JADE1: variants seen among roughly 807,000 people sequenced by gnomAD.
JADE1 encodes protein Jade-1.
A neutral mutation model predicts 81.8 loss-of-function variants in JADE1; 14 were observed. The observed-to-expected ratio is 0.17, with a 90% CI of 0.11 to 0.27. JADE1 has a LOEUF of 0.27. JADE1 is among the 10% of genes least tolerant of loss of function. JADE1 has a pLI of 1.00. For synonymous variants in JADE1, 353 were observed against 391.9 expected (o/e 0.90, Z 1.17); for missense variants, 690 against 1,047.9 (o/e 0.66, Z 4.71).
intron 3 of JADE1, 82 bp downstream of exon 3, chr4:128,843,120 C>T: frequency 8.9e-7 from 1 of 1,121,308 alleles, no homozygotes; most frequent in African/African-American, 1.6e-5. Flanking sequence ...TTTGTGCAGT[C>T]CTGGGCAAAT....
chr4:128,833,566 G>A (rs1005720043), intron 2 of JADE1, among the ~76,000 whole-genome samples: 1 of 152,088 alleles, frequency 6.6e-6, no homozygotes, highest in African/African-American at 2.4e-5. Context: ...ATGATGGTGT[G>A]TGCCTGTAGT....
chr4:128,846,127 G>T lies in JADE1; in HGVS notation c.139-248G>T, dbSNP rs566269020. Among the ~76,000 whole-genome samples, 1 of 152,190 alleles carries T rather than the reference G, an allele frequency of 6.6e-6. No individual in the cohort carries two copies. The highest frequency in any genetic ancestry group is 2.1e-4 in the South Asian group (1 of 4,814). The stretch of plus-strand genomic sequence containing the variant: ...GACAACAAGATTTTTTGTTGTTTTT[G>T]TTGACGTTGTTGTGGACACTATGGA... On this transcript the variant is annotated intron_variant, in intron 3 of 10. Transcript: ENST00000226319. This position sits in a 1 kb window ranked among gnomAD's most constrained non-coding sequence, Gnocchi z 4.0.
intron 6 of JADE1, among the ~76,000 whole-genome samples, chr4:128,855,309 G>A (rs1384445528): frequency 6.6e-6 from 1 of 152,178 alleles, no homozygotes; most frequent in East Asian, 1.9e-4. Flanking sequence ...GGGTTTCTGC[G>A]GCAACACAGC....
chr4:128,831,753 G>A lies in JADE1; in HGVS notation c.-6G>A. 1 of 1,614,150 alleles carries A rather than the reference G, an allele frequency of 6.2e-7. No homozygotes were observed. Among genetic ancestry groups the A allele is most frequent in the East Asian group, 2.2e-5 (1 of 44,884 alleles). On this transcript the variant is annotated 5_prime_UTR_variant, in exon 2 of 11. Transcript: ENST00000226319. Reference sequence around the variant, plus strand: ...TGCAGGCTGCCTGCTGTTTCCCGGGGAGATCATGAAACGAGGTCGCCTTCC... The same window carrying A: ...TGCAGGCTGCCTGCTGTTTCCCGGGAAGATCATGAAACGAGGTCGCCTTCC...
chr4:128,827,912 A>C, intron 1 of JADE1: 1 of 984,878 alleles, frequency 1.0e-6, no homozygotes, highest in Middle Eastern at 5.2e-4. Context: ...TATGTTGGTA[A>C]GTACGGTGCT....
chr4:128,839,103 A>G (rs1392185830), intron 2 of JADE1, among the ~76,000 whole-genome samples: 14 of 152,202 alleles, frequency 9.2e-5, no homozygotes, highest in Non-Finnish European at 1.6e-4. Context: ...AAAATTATCT[A>G]CTTTTCAAAG....
At chr4:128,847,217 A>C (rs1729943779) in intron 4 of JADE1, among the ~76,000 whole-genome samples, 1 of 152,164 alleles carries the variant, frequency 6.6e-6, no homozygotes, top group African/African-American at 2.4e-5. Context: ...TCCTGTTAGG[A>C]GGGAGGCTTG....
In JADE1 at chr4:128,873,256, G is replaced by GAAAAAA. The variant is rs1296724284; in HGVS notation, c.*1005_*1010dup. 17 of 28,662 alleles carry GAAAAAA rather than the reference G, an allele frequency of 5.9e-4. No homozygotes were observed. Among genetic ancestry groups the GAAAAAA allele is most frequent in the Non-Finnish European group, 9.6e-4 (13 of 13,480 alleles). The allele number at this position is 28,662 out of a possible 1,614,324, so 1.8% of individuals were successfully genotyped here. The stretch of plus-strand genomic sequence containing the variant: ...CATGAATGGATTCCTTAAGAAAAAG[G>GAAAAAA]AAAAAAAAAAAAAAAAGAAAAAAAG... On this transcript the variant is annotated 3_prime_UTR_variant, in exon 11 of 11. Transcript: ENST00000226319.
intron 3 of JADE1, among the ~76,000 whole-genome samples, chr4:128,844,868 C>T (rs913234403): frequency 1.3e-5 from 2 of 152,134 alleles, no homozygotes; most frequent in Admixed American, 6.5e-5. Context: ...CTGCCTCAGA[C>T]TTTATTATGG....
Position 128,846,219 on chromosome 4 carries a change from C to T in JADE1, c.139-156C>T, listed in dbSNP as rs889190836. 1.3e-5 allele frequency among the ~76,000 whole-genome samples: 2 copies of T among 152,140 alleles called. No homozygotes were observed. The highest frequency in any genetic ancestry group is 2.1e-4 in the South Asian group (1 of 4,824). Reference sequence around the variant, plus strand: ...CCCCATGCCTGAGTGAGGTAAAAGGCGTGTCAGGCAAAGTTTTTCTGTAAT... The same window carrying T: ...CCCCATGCCTGAGTGAGGTAAAAGGTGTGTCAGGCAAAGTTTTTCTGTAAT... On this transcript the variant is annotated intron_variant, in intron 3 of 10. Transcript: ENST00000226319. This position sits in a 1 kb window ranked among gnomAD's most constrained non-coding sequence, Gnocchi z 4.0.
At chr4:128,863,011 C>A in intron 9 of JADE1, 1 of 985,376 alleles carries the variant, frequency 1.0e-6, no homozygotes, top group Non-Finnish European at 1.2e-6. Flanking sequence ...TCTGAGGAGC[C>A]CCAGTCATGC....
At chr4:128,847,790 TG>T (rs1242451340) in intron 4 of JADE1, among the ~76,000 whole-genome samples, 1 of 152,168 alleles carries the variant, frequency 6.6e-6, no homozygotes, top group Non-Finnish European at 1.5e-5. Flanking sequence ...TCCATGTCAG[TG>T]TCACGTAGAT....
chr4:128,843,174 G>C, intron 3 of JADE1, 136 bp downstream of exon 3: 1 of 653,622 alleles, frequency 1.5e-6, no homozygotes, highest in Non-Finnish European at 2.6e-6. Flanking sequence ...GTAAGACGGG[G>C]AGAACACAAG....
intron 6 of JADE1, 115 bp from the exon 7 acceptor site, chr4:128,855,515 C>T: frequency 8.9e-7 from 1 of 1,122,160 alleles, no homozygotes; most frequent in Non-Finnish European, 1.2e-6. Context: ...AGCGTCTCTG[C>T]TTTGGTGGTA....
Position 128,810,467 on chromosome 4 carries a change from T to A in JADE1, c.-27+590T>A, listed in dbSNP as rs1428215181. 9 of 150,718 alleles carry A rather than the reference T, an allele frequency of 6.0e-5. No individual in the cohort carries two copies. The East Asian group carries it at 1.7e-3, about 29-fold the overall frequency. The allele number at this position is 150,718 out of a possible 1,614,324, so 9.3% of individuals were successfully genotyped here. A position where few individuals can be genotyped will look rare whatever the true frequency, so the allele number is the denominator to read the frequency against. On this transcript the variant is annotated intron_variant, in intron 1 of 10. Coordinates refer to ENST00000226319, the MANE Select transcript of JADE1 (RefSeq NM_199320.4). ...GTTTATAGGTTTTTTTTTTTTTTTT[T>A]TTTTTTTAGAAAGCCAAAGTGCATT... is the stretch of plus-strand genomic sequence containing the variant.
intron 8 of JADE1, among the ~76,000 whole-genome samples, chr4:128,857,981 GA>G (rs780396189): frequency 6.6e-6 from 1 of 152,202 alleles, no homozygotes. Context: ...GAGACTCTTT[GA>G]ACACGGCCTG....
chr4:128,811,751 C>A (rs1487081186), intron 1 of JADE1: 3 of 149,542 alleles, frequency 2.0e-5, no homozygotes, highest in Admixed American at 6.6e-5. Context: ...AAGCCCGACG[C>A]GGTCCCCGCG....
intron 9 of JADE1, among the ~76,000 whole-genome samples, chr4:128,866,323 G>T (rs1037223889): frequency 6.6e-6 from 1 of 152,146 alleles, no homozygotes; most frequent in African/African-American, 2.4e-5. Context: ...GATTGTTAGA[G>T]AAAAAAAGAT....
chr4:128,815,073 G>C (rs559122675), intron 1 of JADE1, among the ~76,000 whole-genome samples: 1 of 142,128 alleles, frequency 7.0e-6, no homozygotes, highest in Non-Finnish European at 1.5e-5. Flanking sequence ...TTTTTGAGAC[G>C]GAGGCTTGCT....
Sources: gnomAD v4.1 joint callset for allele counts (sites outside exome capture counted in the v4.1 genomes callset) on GRCh38, gnomAD v4.1.1 for gene constraint, Gnocchi (gnomAD v3.1) non-coding constraint, MANE v1.5 for transcripts, NCBI Gene and HGNC (gene_info 2026-07-23, HGNC 2026-07-21) for gene names.